Variants in AGBL4 observed in about 807,000 individuals in gnomAD.
The protein encoded by AGBL4 is AGBL carboxypeptidase 4.
A neutral mutation model predicts 66.4 loss-of-function variants in AGBL4; 58 were observed. The observed-to-expected ratio is 0.87, with a 90% CI of 0.71 to 1.09. AGBL4 has a LOEUF of 1.09. Ranked by LOEUF, AGBL4 falls within the 50% of genes least tolerant of loss-of-function variation. The pLI, the probability that AGBL4 is intolerant of heterozygous loss-of-function variation, is 0.00. For synonymous variants in AGBL4, 234 were observed against 222.9 expected (o/e 1.05, Z -0.44); for missense variants, 579 against 631.0 (o/e 0.92, Z 0.88).
At chr1:49,738,155 A>G (rs1650061107) in intron 2 of AGBL4, among the ~76,000 whole-genome samples, 1 of 152,232 alleles carries the variant, frequency 6.6e-6, no homozygotes, top group African/African-American at 2.4e-5. Flanking sequence ...TCCCTTTCCT[A>G]GCCAAGGACA....
chr1:49,087,068 C>T (rs977886521), intron 4 of AGBL4, among the ~76,000 whole-genome samples: 12 of 150,714 alleles, frequency 8.0e-5, no homozygotes, highest in Admixed American at 2.6e-4. Context: ...CACCCACCAC[C>T]ACCAACAAAA....
intron 4 of AGBL4, among the ~76,000 whole-genome samples, chr1:49,115,144 G>A (rs145948956): frequency 0.012 from 1,868 of 152,254 alleles, 36 homozygotes; most frequent in African/African-American, 0.042. Flanking sequence ...TCTGTAGTTG[G>A]TTTATAATGA....
intron 3 of AGBL4, among the ~76,000 whole-genome samples, chr1:49,641,874 T>C (rs1645788267): frequency 6.6e-6 from 1 of 152,078 alleles, no homozygotes; most frequent in South Asian, 2.1e-4. Context: ...ACAATGAATA[T>C]GGTTGTAGCT....
intron 3 of AGBL4, among the ~76,000 whole-genome samples, chr1:49,565,100 T>C (rs1644159664): frequency 1.3e-5 from 2 of 152,222 alleles, no homozygotes; most frequent in Admixed American, 1.3e-4. Context: ...TGGTTTAAAG[T>C]CTGTTTTTTC....
chr1:48,892,929 G>T (rs1447598274), intron 5 of AGBL4, among the ~76,000 whole-genome samples: 1 of 152,088 alleles, frequency 6.6e-6, no homozygotes, highest in African/African-American at 2.4e-5. Context: ...GGTACCAGGG[G>T]TTCAGACTTT....
chr1:49,434,464 A>T (rs1169776234), intron 3 of AGBL4, among the ~76,000 whole-genome samples: 2 of 152,188 alleles, frequency 1.3e-5, no homozygotes, highest in African/African-American at 4.8e-5. Context: ...GTTAGGCAAA[A>T]GTAAAGCAAA....
intron 5 of AGBL4, among the ~76,000 whole-genome samples, chr1:48,997,470 T>C (rs1185119055): frequency 6.6e-6 from 1 of 152,194 alleles, no homozygotes; most frequent in African/African-American, 2.4e-5. Context: ...ACCCATTTGA[T>C]TCCATATTCT....
At chr1:49,725,423 A>C (rs981210348) in intron 2 of AGBL4, among the ~76,000 whole-genome samples, 4 of 152,176 alleles carry the variant, frequency 2.6e-5, no homozygotes, top group African/African-American at 9.6e-5. Flanking sequence ...CGTGGCTTAC[A>C]ACAGTAAGTA....
intron 11 of AGBL4, chr1:48,583,858 T>TTTG (rs773104951): frequency 3.3e-5 from 5 of 151,414 alleles, no homozygotes; most frequent in African/African-American, 7.3e-5. Context: ...TGAGAGTTTT[T>TTTG]TTTTTTTTTT....
intron 3 of AGBL4, among the ~76,000 whole-genome samples, chr1:49,650,668 A>G (rs1322689025): frequency 1.3e-5 from 2 of 152,210 alleles, no homozygotes; most frequent in Non-Finnish European, 2.9e-5. Flanking sequence ...AACTACAGGG[A>G]ACCAGTGGGA....
At chr1:48,544,049 G>C (rs543137925) in intron 11 of AGBL4, among the ~76,000 whole-genome samples, 3 of 152,320 alleles carry the variant, frequency 2.0e-5, no homozygotes, top group Middle Eastern at 6.8e-3. Context: ...TCCCAGGCCA[G>C]TGCCTGATGG....
intron 6 of AGBL4, among the ~76,000 whole-genome samples, chr1:48,692,619 A>G (rs1646650893): frequency 6.6e-6 from 1 of 152,176 alleles, no homozygotes; most frequent in African/African-American, 2.4e-5. Flanking sequence ...CCATGTGAGG[A>G]CTGTGATATT....
chr1:49,913,227 G>A (rs900205400), intron 1 of AGBL4, among the ~76,000 whole-genome samples: 7 of 152,314 alleles, frequency 4.6e-5, no homozygotes, highest in Middle Eastern at 3.4e-3. Flanking sequence ...CCCTCTAACT[G>A]TGAGCCTGTC....
chr1:49,207,584 TTC>T (rs759253499), intron 4 of AGBL4, among the ~76,000 whole-genome samples: 1 of 147,248 alleles, frequency 6.8e-6, no homozygotes, highest in Non-Finnish European at 1.5e-5. Context: ...CTTTCTTTCT[TTC>T]TTTCTTTCTT....
chr1:48,796,902 G>GTAAAGGT (rs1370210510), intron 6 of AGBL4, among the ~76,000 whole-genome samples: 2 of 152,178 alleles, frequency 1.3e-5, no homozygotes, highest in Non-Finnish European at 2.9e-5. Context: ...AACAGGTAAG[G>GTAAAGGT]TAAAGGTAAA....
chr1:48,536,046 C>A (rs1168042594), intron 12 of AGBL4, among the ~76,000 whole-genome samples: 2 of 152,040 alleles, frequency 1.3e-5, no homozygotes, highest in South Asian at 2.1e-4. Flanking sequence ...ACAGGACATA[C>A]CATGCTAGAG....
intron 5 of AGBL4, among the ~76,000 whole-genome samples, chr1:48,907,672 C>T (rs1652738912): frequency 6.6e-6 from 1 of 152,134 alleles, no homozygotes; most frequent in African/African-American, 2.4e-5. Flanking sequence ...TTCAGGTCAG[C>T]TCAAATAACT....
At chr1:49,268,540 T>G (rs1258637833) in intron 3 of AGBL4, among the ~76,000 whole-genome samples, 1 of 151,768 alleles carries the variant, frequency 6.6e-6, no homozygotes, top group East Asian at 1.9e-4. Flanking sequence ...CAAGTGATCC[T>G]CCTGCCTCAG....
At chr1:49,178,992 G>A (rs1462500368) in intron 4 of AGBL4, among the ~76,000 whole-genome samples, 1 of 152,128 alleles carries the variant, frequency 6.6e-6, no homozygotes, top group East Asian at 1.9e-4. Flanking sequence ...GGATGTCAGA[G>A]CTACAAAAAT....
Sources: gnomAD v4.1 joint callset for allele counts (sites outside exome capture counted in the v4.1 genomes callset) on GRCh38, gnomAD v4.1.1 for gene constraint, MANE v1.5 for transcripts, NCBI Gene and HGNC (gene_info 2026-07-23, HGNC 2026-07-21) for gene names.